PIAS2: variants seen among roughly 807,000 people sequenced by gnomAD.
The protein encoded by PIAS2 is E3 SUMO-protein ligase PIAS2.
PIAS2 carries 19 observed loss-of-function variants against 69.7 expected under a neutral mutation model. That is an observed-to-expected ratio of 0.27 (90% CI 0.19 to 0.40). The LOEUF (loss-of-function observed/expected upper bound fraction) is 0.40. Among genes scored for constraint, PIAS2 ranks in the 10% least tolerant of loss-of-function variants. The pLI, the probability that PIAS2 is intolerant of heterozygous loss-of-function variation, is 1.00. For synonymous variants in PIAS2, 261 were observed against 263.2 expected (o/e 0.99, Z 0.08); for missense variants, 624 against 757.0 (o/e 0.82, Z 2.06).
At chr18:46,877,587 A>T (rs1270685178) in intron 2 of PIAS2, among the ~76,000 whole-genome samples, 1 of 152,172 alleles carries the variant, frequency 6.6e-6, no homozygotes, top group Non-Finnish European at 1.5e-5. Flanking sequence ...TTGTACCGTA[A>T]CAAACAGCCT....
intron 2 of PIAS2, among the ~76,000 whole-genome samples, chr18:46,880,268 C>CTACT (rs2051998311): frequency 6.6e-6 from 1 of 152,056 alleles, no homozygotes. Flanking sequence ...CATGGTGGTG[C>CTACT]ACACCTGTGG....
At chr18:46,902,809 C>T (rs1941690926) in intron 1 of PIAS2, among the ~76,000 whole-genome samples, 1 of 152,088 alleles carries the variant, frequency 6.6e-6, no homozygotes, top group Admixed American at 6.6e-5. Flanking sequence ...TCAATCTATC[C>T]CATTTTACAA....
intron 12 of PIAS2, chr18:46,817,737 C>A: frequency 1.1e-6 from 1 of 939,854 alleles, no homozygotes; most frequent in Non-Finnish European, 1.3e-6. Flanking sequence ...AAATATTTCT[C>A]TCACTGAAAC....
At chr18:46,912,969 G>A (rs114243916) in intron 1 of PIAS2, among the ~76,000 whole-genome samples, 4,970 of 152,242 alleles carry the variant, frequency 0.033, 271 homozygotes, top group African/African-American at 0.11. Context: ...ACAGCCTTGA[G>A]CCACTGCGCC....
Position 46,810,233 on chromosome 18 carries a change from T to C in PIAS2, c.*2200A>G, listed in dbSNP as rs2040912990. The C allele has an allele frequency of 6.6e-6, 1 of 151,916 alleles. No homozygotes were observed. The highest frequency in any genetic ancestry group is 6.6e-5 in the Admixed American group (1 of 15,262). 9.4% of individuals were successfully genotyped at this position (151,916 alleles called of 1,614,324 possible). On this transcript the variant is annotated 3_prime_UTR_variant, in exon 14 of 14. Transcript: ENST00000585916. ...AATCACAATTATAAAAGCACAGAGA[T>C]ATCAGTTATAAGAACCAAGTAAATA...
At position 46,829,280 on chromosome 18, in the gene PIAS2, G is replaced by C. The variant is rs555075819; in HGVS notation, c.1336+454C>G. Among the ~76,000 whole-genome samples, 3 of 152,182 alleles carry C rather than the reference G, an allele frequency of 2.0e-5. 1 individual carries two copies. Among genetic ancestry groups the C allele is most frequent in the Admixed American group, 2.0e-4 (3 of 15,264 alleles). ...CAATGTTAAAATTCTTCTCCACAAAGAAATGGAAGGTAACAATTTGTTTAC... is the reference window on the plus strand; with the variant it reads ...CAATGTTAAAATTCTTCTCCACAAACAAATGGAAGGTAACAATTTGTTTAC... On this transcript the variant is annotated intron_variant, in intron 10 of 13. Transcript: ENST00000585916.
chr18:46,892,350 T>C (rs2054195352), intron 1 of PIAS2, among the ~76,000 whole-genome samples: 2 of 152,176 alleles, frequency 1.3e-5, no homozygotes. Flanking sequence ...TATGTCTCTA[T>C]ATTTCATAAT....
chr18:46,841,299 T>C (rs1402067764), intron 8 of PIAS2, among the ~76,000 whole-genome samples: 1 of 152,212 alleles, frequency 6.6e-6, no homozygotes, highest in Non-Finnish European at 1.5e-5. Flanking sequence ...TGAAATGTAA[T>C]AAACATTTAT....
At chr18:46,883,192 A>G (rs372400091) in intron 2 of PIAS2, among the ~76,000 whole-genome samples, 1 of 152,160 alleles carries the variant, frequency 6.6e-6, no homozygotes, top group Non-Finnish European at 1.5e-5. Flanking sequence ...CTAGCTGAGC[A>G]ATGAATGAGA....
At chr18:46,825,334 AC>A (rs2042710718) in intron 11 of PIAS2, among the ~76,000 whole-genome samples, 2 of 152,212 alleles carry the variant, frequency 1.3e-5, no homozygotes, top group Non-Finnish European at 1.5e-5. Flanking sequence ...TGATTTTGGG[AC>A]AAAAGATTAA....
In PIAS2 at chr18:46,836,774, A is replaced by G. The variant is rs531970361; in HGVS notation, c.1042-257T>C. On this transcript the variant is annotated intron_variant, in intron 8 of 13. Transcript: ENST00000585916. ...CAGATTCATATACATTGAAAGTATG[A>G]CTCCTTCTTACCTGGTCCCCAGTTT... Among the ~76,000 whole-genome samples, 3 of 152,236 alleles carry G rather than the reference A, an allele frequency of 2.0e-5. No homozygotes were observed. The East Asian group carries it at 5.8e-4, about 29-fold the overall frequency.
At chr18:46,914,451 T>C (rs538425154) in intron 1 of PIAS2, among the ~76,000 whole-genome samples, 46 of 152,260 alleles carry the variant, frequency 3.0e-4, no homozygotes, top group African/African-American at 1.1e-3. Context: ...AGCTGCCATA[T>C]TCTGCTATGA....
chr18:46,900,905 C>G, intron 1 of PIAS2: 1 of 263,392 alleles, frequency 3.8e-6, no homozygotes, highest in Non-Finnish European at 7.4e-6. Context: ...ACCCTAGAGG[C>G]GGAGGTTGCG....
chr18:46,831,051 C>A (rs2043538301), intron 9 of PIAS2, among the ~76,000 whole-genome samples: 1 of 152,102 alleles, frequency 6.6e-6, no homozygotes. Context: ...TATTACCAGA[C>A]TAGTCAATGC....
At chr18:46,909,272 T>C (rs2056989443) in intron 1 of PIAS2, among the ~76,000 whole-genome samples, 1 of 152,184 alleles carries the variant, frequency 6.6e-6, no homozygotes. Context: ...AAAACTTTTT[T>C]TTTTGAAACA....
intron 2 of PIAS2, among the ~76,000 whole-genome samples, chr18:46,870,443 G>A (rs1018353812): frequency 5.3e-5 from 8 of 151,722 alleles, no homozygotes; most frequent in Admixed American, 3.9e-4. Flanking sequence ...GTGAAACCCC[G>A]TCTCTACTAA....
At chr18:46,836,540 A>C in intron 8 of PIAS2, 23 bp from the exon 9 acceptor site, 1 of 1,588,148 alleles carries the variant, frequency 6.3e-7, no homozygotes, top group South Asian at 1.1e-5. Context: ...AAACACAAGG[A>C]AAACTATTTC....
Position 46,820,997 on chromosome 18 carries a change from T to TGAA in PIAS2, c.1581_1583dup (p.Ser528dup). 6 of 1,613,652 alleles carry TGAA rather than the reference T, an allele frequency of 3.7e-6. No homozygotes were observed. Among genetic ancestry groups the TGAA allele is most frequent in the Non-Finnish European group, 5.1e-6 (6 of 1,179,664 alleles). ...GGAATGGTACTGAGTAGTCTGTTAA[T>TGAA]GAAGGCGGAATAGCAGCAGGATCAA... On this transcript the variant is annotated inframe_insertion, in exon 12 of 14. Transcript: ENST00000585916.
chr18:46,909,307 G>GGCGT (rs1568897382), intron 1 of PIAS2, among the ~76,000 whole-genome samples: 1 of 152,054 alleles, frequency 6.6e-6, no homozygotes, highest in Admixed American at 6.6e-5. Flanking sequence ...TGCCCAAGCT[G>GGCGT]GCGTGCAATG....
Sources: allele counts gnomAD v4.1 joint callset (sites outside exome capture counted in the v4.1 genomes callset), GRCh38; gene constraint gnomAD v4.1.1; transcripts MANE v1.5; gene names NCBI Gene and HGNC (gene_info 2026-07-23, HGNC 2026-07-21).